Variants in OXR1 observed in about 807,000 individuals in gnomAD.
OXR1 encodes oxidation resistance protein 1.
OXR1 carries 41 observed loss-of-function variants against 104.6 expected under a neutral mutation model. The ratio of observed to expected loss-of-function variants is 0.39; its 90% CI spans 0.31 to 0.51. OXR1 has a LOEUF of 0.51. OXR1 is among the 20% of genes least tolerant of loss of function. The pLI, the probability that OXR1 is intolerant of heterozygous loss-of-function variation, is 0.77. For missense variants in OXR1, 955 were observed against 1,031.9 expected (o/e 0.93, Z 1.02); for synonymous variants, 348 against 348.4 (o/e 1.00, Z 0.01).
intron 2 of OXR1, among the ~76,000 whole-genome samples, chr8:106,382,054 C>T (rs533964765): frequency 2.6e-5 from 4 of 152,276 alleles, no homozygotes; most frequent in East Asian, 1.9e-4. Flanking sequence ...CTTATTGATG[C>T]GATTTCACTA....
intron 2 of OXR1, among the ~76,000 whole-genome samples, chr8:106,514,797 C>G (rs1812756561): frequency 6.6e-6 from 1 of 151,918 alleles, no homozygotes; most frequent in African/African-American, 2.4e-5. Flanking sequence ...AAATAATCTG[C>G]TATGTGAATT....
intron 16 of OXR1, among the ~76,000 whole-genome samples, chr8:106,746,171 C>A (rs1587323478): frequency 6.6e-6 from 1 of 152,116 alleles, no homozygotes; most frequent in Non-Finnish European, 1.5e-5. Context: ...TACCTTTGAA[C>A]TTCTCTAATT....
chr8:106,552,682 T>C (rs1815935297), intron 3 of OXR1, among the ~76,000 whole-genome samples: 1 of 152,226 alleles, frequency 6.6e-6, no homozygotes, highest in African/African-American at 2.4e-5. Context: ...GAGGATTCAG[T>C]AACTCTTGCA....
intron 2 of OXR1, among the ~76,000 whole-genome samples, chr8:106,423,765 T>C (rs1818996943): frequency 6.6e-6 from 1 of 152,232 alleles, no homozygotes; most frequent in South Asian, 2.1e-4. Context: ...GAGTTAGCTC[T>C]CCTTTTTCTG....
At chr8:106,442,379 T>C (rs769618970) in intron 2 of OXR1, among the ~76,000 whole-genome samples, 21 of 152,290 alleles carry the variant, frequency 1.4e-4, no homozygotes, top group South Asian at 1.2e-3. Flanking sequence ...AAGTTTTCTT[T>C]TTTTCTTGTG....
At chr8:106,500,097 CT>C (rs1296573077) in intron 2 of OXR1, among the ~76,000 whole-genome samples, 2 of 152,120 alleles carry the variant, frequency 1.3e-5, no homozygotes, top group Non-Finnish European at 2.9e-5. Context: ...GTGTAGACTA[CT>C]TAAAGGAGCT....
At chr8:106,597,853 T>A (rs556742560) in intron 3 of OXR1, among the ~76,000 whole-genome samples, 1 of 152,296 alleles carries the variant, frequency 6.6e-6, no homozygotes, top group Non-Finnish European at 1.5e-5. Flanking sequence ...GCTAATTTCC[T>A]CTTTACTGCC....
intron 3 of OXR1, among the ~76,000 whole-genome samples, chr8:106,612,404 T>G (rs1820883323): frequency 2.0e-5 from 3 of 152,126 alleles, no homozygotes; most frequent in Non-Finnish European, 4.4e-5. Context: ...TTATATAATT[T>G]TGGGGGGGTA....
intron 2 of OXR1, among the ~76,000 whole-genome samples, chr8:106,420,730 T>TTGTGTG (rs6150748): frequency 0.097 from 14,207 of 147,168 alleles, 1,065 homozygotes; most frequent in East Asian, 0.45. Context: ...CATTAAAATA[T>TTGTGTG]TGTGTGTGTG....
chr8:106,505,552 G>T (rs573391057), intron 2 of OXR1, among the ~76,000 whole-genome samples: 25 of 152,274 alleles, frequency 1.6e-4, no homozygotes, highest in African/African-American at 4.8e-4. Flanking sequence ...CAGTGCTAAA[G>T]AGTAACCTGG....
chr8:106,737,670 G>A, intron 12 of OXR1, 70 bp downstream of exon 12: 2 of 536,634 alleles, frequency 3.7e-6, no homozygotes, highest in Non-Finnish European at 5.9e-6. Flanking sequence ...CTTTGTCATG[G>A]CAAATCTCAT....
chr8:106,438,738 G>T (rs1418110424), intron 2 of OXR1, among the ~76,000 whole-genome samples: 1 of 152,096 alleles, frequency 6.6e-6, no homozygotes, highest in East Asian at 1.9e-4. Context: ...TTCAATAAAT[G>T]AGAGCAGTAT....
In OXR1 at chr8:106,471,717, C is replaced by T. The variant is rs149749230; in HGVS notation, c.24-47226C>T. 7.1e-3 allele frequency among the ~76,000 whole-genome samples: 1,079 copies of T among 151,810 alleles called. 15 individuals are homozygous for T. Among genetic ancestry groups the T allele is most frequent in the African/African-American group, 0.025 (1,036 of 41,482 alleles). The stretch of plus-strand genomic sequence containing the variant: ...TAATAAGAGATTTTTTTAAAATTTG[C>T]TCTGAAGGCAATTCTGAAAGATAAG... On this transcript the variant is annotated intron_variant, in intron 2 of 16. Transcript: ENST00000517566.
chr8:106,327,892 T>G (rs1167877489), intron 1 of OXR1, among the ~76,000 whole-genome samples: 1 of 152,224 alleles, frequency 6.6e-6, no homozygotes, highest in Admixed American at 6.5e-5. Context: ...GAACATAATT[T>G]ATTGTTGTCC....
chr8:106,382,803 C>T (rs891799423), intron 2 of OXR1, among the ~76,000 whole-genome samples: 4 of 139,332 alleles, frequency 2.9e-5, no homozygotes, highest in African/African-American at 1.1e-4. Context: ...TATACCTTTT[C>T]TGGCTCTGGC....
intron 11 of OXR1, chr8:106,720,813 A>G: frequency 2.5e-6 from 1 of 404,630 alleles, no homozygotes; most frequent in African/African-American, 2.2e-5. Context: ...AATTTAATAT[A>G]TTTGGCAAGT....
chr8:106,368,563 C>A (rs760357098), intron 2 of OXR1, among the ~76,000 whole-genome samples: 1 of 152,012 alleles, frequency 6.6e-6, no homozygotes, highest in Non-Finnish European at 1.5e-5. Context: ...CCCCCACCCC[C>A]CAACAGGCCC....
intron 3 of OXR1, among the ~76,000 whole-genome samples, chr8:106,591,172 C>T (rs1342186123): frequency 6.6e-6 from 1 of 150,702 alleles, no homozygotes; most frequent in Admixed American, 6.6e-5. Context: ...TCATTCTCAG[C>T]AAACTATCGC....
At chr8:106,607,168 G>T (rs1820465296) in intron 3 of OXR1, among the ~76,000 whole-genome samples, 1 of 152,118 alleles carries the variant, frequency 6.6e-6, no homozygotes, top group Admixed American at 6.5e-5. Context: ...TTTACTGCTG[G>T]GGTATCAACT....
Sources: gnomAD v4.1 joint callset for allele counts (sites outside exome capture counted in the v4.1 genomes callset) on GRCh38, gnomAD v4.1.1 for gene constraint, MANE v1.5 for transcripts, NCBI Gene and HGNC (gene_info 2026-07-23, HGNC 2026-07-21) for gene names.